The following PRMT8 variants were observed in gnomAD, a reference collection of about 807,000 sequenced individuals.
The protein encoded by PRMT8 is protein arginine methyltransferase 8.
PRMT8 carries 7 observed loss-of-function variants against 47.1 expected under a neutral mutation model. The observed-to-expected ratio is 0.15, with a 90% CI of 0.08 to 0.28. The LOEUF (loss-of-function observed/expected upper bound fraction) is 0.28, where lower values mean the gene tolerates loss of function less well. PRMT8 is among the 10% of genes least tolerant of loss of function. PRMT8 has a pLI of 1.00. For synonymous variants in PRMT8, 188 were observed against 186.5 expected (o/e 1.01, Z -0.07); for missense variants, 237 against 505.4 (o/e 0.47, Z 5.09).
At chr12:3,531,436 T>C (rs1431595505) in intron 1 of PRMT8, among the ~76,000 whole-genome samples, 2 of 152,308 alleles carry the variant, frequency 1.3e-5, no homozygotes, top group South Asian at 2.1e-4. Context: ...GAATTTAATA[T>C]GTGGAGGCTT....
chr12:3,540,625 A>ACCCCCCCC lies in PRMT8; in HGVS notation c.95_96insCCCCCCCC (p.Gln32HisfsTer37). 1 of 346,856 alleles carries ACCCCCCCC rather than the reference A, an allele frequency of 2.9e-6. No individual in the cohort carries two copies. Among genetic ancestry groups the ACCCCCCCC allele is most frequent in the South Asian group, 3.0e-5 (1 of 33,386 alleles). 21.5% of individuals were successfully genotyped at this position (346,856 alleles called of 1,614,324 possible). A position where few individuals can be genotyped will look rare whatever the true frequency, so the allele number is the denominator to read the frequency against. ...CCTCAGGTGAACAGCCCCCCCTCCC[A>ACCCCCCCC]GCCCCCCCAGCCCGTCGTCCCTGCT... On this transcript the variant is annotated frameshift_variant, in exon 2 of 10. Coordinates refer to ENST00000382622, the MANE Select transcript of PRMT8 (RefSeq NM_019854.5). LOFTEE classifies it high-confidence loss of function.
intron 4 of PRMT8, among the ~76,000 whole-genome samples, chr12:3,556,717 G>A (rs1866533855): frequency 6.6e-6 from 1 of 152,218 alleles, no homozygotes; most frequent in Non-Finnish European, 1.5e-5. Flanking sequence ...TGATTCACTG[G>A]TGTAGTAGAG....
chr12:3,391,704 A>G (rs1199008843), intron 1 of PRMT8, among the ~76,000 whole-genome samples: 1 of 152,174 alleles, frequency 6.6e-6, no homozygotes. Flanking sequence ...CTCCCCCTCT[A>G]GTCTGTGAGG....
At chr12:3,523,650 C>G (rs1467699848) in intron 1 of PRMT8, among the ~76,000 whole-genome samples, 1 of 152,228 alleles carries the variant, frequency 6.6e-6, no homozygotes, top group Non-Finnish European at 1.5e-5. Flanking sequence ...GACTGTTACG[C>G]ATGGTCTGCT....
intron 1 of PRMT8, among the ~76,000 whole-genome samples, chr12:3,531,940 A>G (rs1252210842): frequency 6.6e-6 from 1 of 152,176 alleles, no homozygotes; most frequent in Non-Finnish European, 1.5e-5. Context: ...TCAGCGAGGA[A>G]GAGAGAAGGC....
chr12:3,540,884 A>G (rs1201123641), intron 2 of PRMT8, 93 bp downstream of exon 2: 1 of 1,354,250 alleles, frequency 7.4e-7, no homozygotes, highest in Non-Finnish European at 1.0e-6. Flanking sequence ...ACTCCTTACC[A>G]TGGTAAAGGG....
chr12:3,507,634 G>A (rs890192082), intron 1 of PRMT8, among the ~76,000 whole-genome samples: 4 of 152,038 alleles, frequency 2.6e-5, no homozygotes, highest in Admixed American at 2.0e-4. Context: ...ACATGCATTA[G>A]TTCAGTTTTC....
chr12:3,415,417 A>T (rs1413486958), intron 1 of PRMT8, among the ~76,000 whole-genome samples: 1 of 152,116 alleles, frequency 6.6e-6, no homozygotes. Context: ...TCCCTTCCCT[A>T]GAGTCATGAG....
intron 1 of PRMT8, among the ~76,000 whole-genome samples, chr12:3,400,364 T>A (rs1179640049): frequency 6.6e-6 from 1 of 151,882 alleles, no homozygotes; most frequent in African/African-American, 2.4e-5. Context: ...CAAACAACCA[T>A]CAGAAAATAT....
intron 1 of PRMT8, among the ~76,000 whole-genome samples, chr12:3,400,584 A>G (rs1054610595): frequency 6.6e-6 from 1 of 152,194 alleles, no homozygotes; most frequent in Non-Finnish European, 1.5e-5. Flanking sequence ...AGAGGTACAA[A>G]GAAGAGCTAG....
At chr12:3,512,847 G>A (rs1454689040) in intron 1 of PRMT8, among the ~76,000 whole-genome samples, 1 of 152,196 alleles carries the variant, frequency 6.6e-6, no homozygotes, top group African/African-American at 2.4e-5. Context: ...AATGCAGGGT[G>A]GTTGTTCCAC....
At chr12:3,455,141 C>T (rs1864959997) in intron 1 of PRMT8, among the ~76,000 whole-genome samples, 1 of 152,182 alleles carries the variant, frequency 6.6e-6, no homozygotes, top group African/African-American at 2.4e-5. Flanking sequence ...GACCATTAAA[C>T]TCTTTCTCTG....
At chr12:3,560,549 TAAA>T (rs1866619589) in intron 4 of PRMT8, among the ~76,000 whole-genome samples, 1 of 152,182 alleles carries the variant, frequency 6.6e-6, no homozygotes, top group African/African-American at 2.4e-5. Flanking sequence ...CCGAGATGCT[TAAA>T]AAGGTAGATT....
chr12:3,455,255 G>T (rs546140681), intron 1 of PRMT8, among the ~76,000 whole-genome samples: 1 of 152,280 alleles, frequency 6.6e-6, no homozygotes, highest in African/African-American at 2.4e-5. Flanking sequence ...CGAACCTGTT[G>T]GTCCTATAAC....
At chr12:3,464,391 A>C (rs1865071061) in intron 1 of PRMT8, among the ~76,000 whole-genome samples, 1 of 152,144 alleles carries the variant, frequency 6.6e-6, no homozygotes. Flanking sequence ...GCAGTGTCAC[A>C]CTTTCTTCAA....
chr12:3,579,618 A>G (rs144943444), intron 7 of PRMT8, among the ~76,000 whole-genome samples: 225 of 152,266 alleles, frequency 1.5e-3, no homozygotes, highest in African/African-American at 5.0e-3. Context: ...TTCTGCTTCC[A>G]GGAGAGCCCT....
chr12:3,554,279 C>T (rs923273089), intron 4 of PRMT8, among the ~76,000 whole-genome samples: 4 of 152,188 alleles, frequency 2.6e-5, no homozygotes, highest in African/African-American at 9.6e-5. Context: ...TGGACAGCGA[C>T]ATTTCCCAGT....
intron 1 of PRMT8, among the ~76,000 whole-genome samples, chr12:3,536,669 G>A (rs986468652): frequency 1.3e-5 from 2 of 152,168 alleles, no homozygotes; most frequent in African/African-American, 4.8e-5. Context: ...GGTCCTCCCT[G>A]GTGGCTGAGG....
At chr12:3,586,127 A>G (rs1404354567) in intron 8 of PRMT8, among the ~76,000 whole-genome samples, 1 of 152,092 alleles carries the variant, frequency 6.6e-6, no homozygotes, top group Non-Finnish European at 1.5e-5. Context: ...TGATCTATTA[A>G]TATTTCTAGT....
Sources: allele counts gnomAD v4.1 joint callset (sites outside exome capture counted in the v4.1 genomes callset), GRCh38; gene constraint gnomAD v4.1.1; transcripts MANE v1.5; gene names NCBI Gene and HGNC (gene_info 2026-07-23, HGNC 2026-07-21).